Variants in IGBP1 observed in about 807,000 individuals in gnomAD.
IGBP1 encodes the protein immunoglobulin binding protein 1, also known as immunoglobulin-binding protein 1.
Under a neutral mutation model 25.9 loss-of-function variants are expected in IGBP1, and 2 were observed. The observed-to-expected ratio is 0.08, with a 90% CI of 0.03 to 0.24. The LOEUF (loss-of-function observed/expected upper bound fraction) is 0.24, where lower values mean the gene tolerates loss of function less well. IGBP1 is among the 10% of genes least tolerant of loss of function. The pLI, the probability that IGBP1 is intolerant of heterozygous loss-of-function variation, is 1.00. For synonymous variants in IGBP1, 96 were observed against 93.4 expected, an observed-to-expected ratio of 1.03 and a Z score of -0.16; for missense variants, 187 against 260.4, an observed-to-expected ratio of 0.72 and a Z score of 1.94.
At chrX:70,160,498 A>G (rs1353461275) in intron 6 of IGBP1, among the ~76,000 whole-genome samples, 1 of 112,303 alleles carries the variant, frequency 8.9e-6, no homozygotes, top group Non-Finnish European at 1.9e-5. Context: ...GCCAAGGAAC[A>G]TTATACCTGG....
chrX:70,138,228 C>T, intron 3 of IGBP1, among the ~76,000 whole-genome samples: 1 of 111,327 alleles, frequency 9.0e-6, no homozygotes, highest in Middle Eastern at 4.6e-3. Context: ...TGCCTGTAAT[C>T]CCAACTCTTT....
rs1602659135 is a variant in IGBP1 at position 70,135,649 on chromosome X, C to A, written c.482+833C>A. ...GCATTAGCCGGCAGAGTATGTAAAGCCTTAGTAAAGCCACAGAGGCATTAA... is the reference window on the plus strand; with the variant it reads ...GCATTAGCCGGCAGAGTATGTAAAGACTTAGTAAAGCCACAGAGGCATTAA... On this transcript the variant is annotated intron_variant, in intron 3 of 6. Transcript: ENST00000356413. 2.7e-5 allele frequency among the ~76,000 whole-genome samples: 3 copies of A among 111,426 alleles called. No homozygotes were observed. The Middle Eastern group carries it at 0.014, about 518-fold the overall frequency.
chrX:70,142,915 TG>T (rs1291147318), intron 3 of IGBP1, among the ~76,000 whole-genome samples: 70 of 85,162 alleles, frequency 8.2e-4, no homozygotes, highest in African/African-American at 2.3e-3. Flanking sequence ...GTTATCGAGT[TG>T]TTTTTTTTTT....
chrX:70,151,710 G>A (rs1011387631), intron 6 of IGBP1, among the ~76,000 whole-genome samples: 6 of 110,360 alleles, frequency 5.4e-5, no homozygotes, highest in Admixed American at 9.7e-5. Context: ...AAACCCCGTC[G>A]CTACCAAAAA....
At chrX:70,139,667 T>C (rs1401910861) in intron 3 of IGBP1, among the ~76,000 whole-genome samples, 1 of 111,943 alleles carries the variant, frequency 8.9e-6, no homozygotes, top group Non-Finnish European at 1.9e-5. Flanking sequence ...GGATTTAGCT[T>C]CAATTCCTCA....
intron 6 of IGBP1, among the ~76,000 whole-genome samples, chrX:70,155,494 C>CAAAAAAAAA (rs57946963): frequency 2.7e-5 from 1 of 36,557 alleles, no homozygotes; most frequent in Non-Finnish European, 5.4e-5. Flanking sequence ...GACTCTGTCT[C>CAAAAAAAAA]AAAAAAAAAA....
At chrX:70,149,158 G>C (rs508906) in intron 5 of IGBP1, among the ~76,000 whole-genome samples, 137 of 110,340 alleles carry the variant, frequency 1.2e-3, no homozygotes, top group African/African-American at 4.4e-3. Context: ...AACCTGGGAG[G>C]GGGAGGTTGT....
At position 70,134,669 on chromosome X, in the gene IGBP1, A is replaced by G; in HGVS notation, c.335A>G (p.Tyr112Cys). 1 of 1,211,807 alleles carries G rather than the reference A, an allele frequency of 8.3e-7. No homozygotes were observed. The highest frequency in any genetic ancestry group is 1.1e-6 in the Non-Finnish European group (1 of 895,428). The change falls in exon 3 of 7, where the codon TAC becomes TGC. Residue 112 changes from tyrosine (Y) to cysteine (C), a missense_variant. Tyr to Cys is a radical substitution (Grantham distance 194). Coordinates refer to ENST00000356413, the MANE Select transcript of IGBP1 (RefSeq NM_001551.3). Reference protein sequence around the residue: ...LQRAREHFINYLTQCHCYHVA... With the variant: ...LQRAREHFINCLTQCHCYHVA... The stretch of plus-strand genomic sequence containing the variant: ...CGGGCTCGAGAACACTTTATAAACT[A>G]CTTAACTCAGTGCCATTGCTATCAT...
rs138993842 is a variant in IGBP1, at chrX:70,144,650, C to CTTT, written c.483-1957_483-1955dup. 7.2e-5 allele frequency among the ~76,000 whole-genome samples: 2 copies of CTTT among 27,738 alleles called. 1 individual carries two copies. Among genetic ancestry groups the CTTT allele is most frequent in the African/African-American group, 3.1e-4 (2 of 6,537 alleles). The allele number at this position is 27,738 out of a possible 115,157, so 24.1% of individuals were successfully genotyped here. On this transcript the variant is annotated intron_variant, in intron 3 of 6. Transcript: ENST00000356413. ...GCCTTTTCAGAACAGTGGTTCTTGA[C>CTTT]TTTTTTTTTTTTTTTTTTTTTTTTT...
At chrX:70,150,436 C>A (rs1405760557) in intron 6 of IGBP1, 114 bp downstream of exon 6, 3 of 526,714 alleles carry the variant, frequency 5.7e-6, no homozygotes, top group Non-Finnish European at 1.0e-5. Flanking sequence ...GACAAAGATT[C>A]TGAGTAATAG....
chrX:70,135,347 G>A (rs978503492), intron 3 of IGBP1, among the ~76,000 whole-genome samples: 4 of 111,971 alleles, frequency 3.6e-5, no homozygotes, highest in African/African-American at 1.3e-4. Context: ...TAGGAACTAT[G>A]CTAGGCACTG....
chrX:70,151,028 T>C (rs1279355532), intron 6 of IGBP1, among the ~76,000 whole-genome samples: 1 of 110,384 alleles, frequency 9.1e-6, no homozygotes, highest in Non-Finnish European at 1.9e-5. Context: ...TGGCGCGATC[T>C]TGGCTCACTG....
chrX:70,149,653 CAAAAA>C, intron 5 of IGBP1: 11 of 69,746 alleles, frequency 1.6e-4, no homozygotes, highest in Admixed American at 6.0e-4. Flanking sequence ...GACTCCATCT[CAAAAA>C]AAAAAAAAAA....
intron 6 of IGBP1, among the ~76,000 whole-genome samples, chrX:70,151,067 TCTC>T (rs2085199796): frequency 1.8e-5 from 2 of 110,566 alleles, no homozygotes; most frequent in South Asian, 7.7e-4. Flanking sequence ...TTCAAGCAGT[TCTC>T]CTGCCTCAGC....
At chrX:70,134,379 T>G (rs2085082166) in intron 2 of IGBP1, 144 bp from the exon 3 acceptor site, 1 of 653,546 alleles carries the variant, frequency 1.5e-6, no homozygotes, top group East Asian at 3.5e-5. Flanking sequence ...TCAGCCACTT[T>G]CATTGAGTGA....
At chrX:70,152,985 A>G (rs1255949389) in intron 6 of IGBP1, among the ~76,000 whole-genome samples, 1 of 112,394 alleles carries the variant, frequency 8.9e-6, no homozygotes, top group Non-Finnish European at 1.9e-5. Context: ...AACAGTTTAA[A>G]TACAAACAAA....
At chrX:70,141,247 T>G (rs1334260942) in intron 3 of IGBP1, among the ~76,000 whole-genome samples, 3 of 109,890 alleles carry the variant, frequency 2.7e-5, no homozygotes, top group Non-Finnish European at 5.7e-5. Context: ...CTCGGGAGGC[T>G]GTGGCAGGAG....
At position 70,154,714 on chromosome X, in the gene IGBP1, C is replaced by CAAAAAAAAAAAAA. The variant is rs762954223; in HGVS notation, c.871+4402_871+4414dup. On this transcript the variant is annotated intron_variant, in intron 6 of 6. Coordinates refer to ENST00000356413, the MANE Select transcript of IGBP1 (RefSeq NM_001551.3). ...AGCAACATGGTAAGACCCCTCTCCA[C>CAAAAAAAAAAAAA]AAAAAAAAAAAAAAAAAAAAAAGTT... 5.7e-3 allele frequency among the ~76,000 whole-genome samples: 155 copies of CAAAAAAAAAAAAA among 27,056 alleles called. 15 individuals carry two copies. The highest frequency in any genetic ancestry group is 0.015 in the African/African-American group (79 of 5,377). 23.5% of individuals were successfully genotyped at this position (27,056 alleles called of 115,157 possible).
At chrX:70,141,881 A>G (rs2085132092) in intron 3 of IGBP1, among the ~76,000 whole-genome samples, 1 of 110,603 alleles carries the variant, frequency 9.0e-6, no homozygotes, top group Non-Finnish European at 1.9e-5. Flanking sequence ...ACCCCATGAA[A>G]TAGACATTCT....
Sources: gnomAD v4.1 joint callset for allele counts (sites outside exome capture counted in the v4.1 genomes callset) on GRCh38, gnomAD v4.1.1 for gene constraint, MANE v1.5 for transcripts, NCBI Gene and HGNC (gene_info 2026-07-23, HGNC 2026-07-21) for gene names.